Variants in CSMD3 observed in about 807,000 individuals in gnomAD.
CSMD3 encodes CUB and sushi domain-containing protein 3.
In CSMD3, 177 loss-of-function variants were observed where a neutral mutation model predicts 435.2. The ratio of observed to expected loss-of-function variants is 0.41; its 90% CI spans 0.36 to 0.46. The LOEUF (loss-of-function observed/expected upper bound fraction) is 0.46. CSMD3 is among the 20% of genes least tolerant of loss of function. The pLI, the probability that CSMD3 is intolerant of heterozygous loss-of-function variation, is 0.34. For missense variants in CSMD3, 4,265 were observed against 4,504.6 expected (o/e 0.95, Z 1.52); for synonymous variants, 1,656 against 1,520.5 (o/e 1.09, Z -2.07).
At chr8:112,728,981 A>T (rs2077022566) in intron 13 of CSMD3, among the ~76,000 whole-genome samples, 1 of 152,036 alleles carries the variant, frequency 6.6e-6, no homozygotes, top group African/African-American at 2.4e-5. Context: ...ACAAACACAC[A>T]TATATATATT....
rs1204951027 is a variant in CSMD3 at position 112,281,326 on chromosome 8, G to T, written c.9356C>A (p.Thr3119Asn). 3 of 1,613,240 alleles carry T rather than the reference G, an allele frequency of 1.9e-6. No individual in the cohort carries two copies. Among genetic ancestry groups the T allele is most frequent in the Non-Finnish European group, 2.5e-6 (3 of 1,179,444 alleles). Residue 3119 changes from threonine to asparagine, a missense_variant, in exon 59 of 71, where the codon ACC (threonine) becomes AAC (asparagine). Thr to Asn is a moderately conservative substitution (Grantham distance 65). Coordinates refer to ENST00000297405, the MANE Select transcript of CSMD3 (RefSeq NM_198123.2). ...TCGGAAGACTTTCCCATTGGCTGTG[G>T]TTCCTGGGTTACCACACTGCACAGC... Reference protein sequence around the residue: ...CKAVQCGNPGTTANGKVFRID... With the variant: ...CKAVQCGNPGNTANGKVFRID...
chr8:112,298,087 AAAAT>A (rs74275504), intron 53 of CSMD3, among the ~76,000 whole-genome samples: 14,684 of 133,964 alleles, frequency 0.11, 448 homozygotes, highest in East Asian at 0.21. Context: ...AAAAAAAAAA[AAAAT>A]AAGTAAAGAC....
chr8:112,986,669 T>TA (rs1226039745), intron 6 of CSMD3, among the ~76,000 whole-genome samples: 1 of 152,076 alleles, frequency 6.6e-6, no homozygotes, highest in Non-Finnish European at 1.5e-5. Context: ...GATTTACATA[T>TA]AAAAAAGTCA....
intron 7 of CSMD3, among the ~76,000 whole-genome samples, chr8:112,969,006 T>C (rs2084534236): frequency 6.6e-6 from 1 of 151,980 alleles, no homozygotes; most frequent in Non-Finnish European, 1.5e-5. Context: ...ACATTTAAAA[T>C]ATATTTTATG....
chr8:113,143,434 T>C (rs957587170), intron 4 of CSMD3, among the ~76,000 whole-genome samples: 2 of 151,420 alleles, frequency 1.3e-5, no homozygotes, highest in African/African-American at 4.8e-5. Context: ...AAACAGAACA[T>C]GCAACTAACA....
At chr8:113,062,950 G>A (rs932024620) in intron 5 of CSMD3, among the ~76,000 whole-genome samples, 2 of 151,388 alleles carry the variant, frequency 1.3e-5, no homozygotes, top group Non-Finnish European at 3.0e-5. Context: ...AAGGAGTTAT[G>A]CTTTATTATA....
chr8:112,380,182 T>C (rs1361060017), intron 38 of CSMD3, among the ~76,000 whole-genome samples, 170 bp downstream of exon 38: 1 of 152,218 alleles, frequency 6.6e-6, no homozygotes, highest in Non-Finnish European at 1.5e-5. Flanking sequence ...ATTAAAACTT[T>C]ATTCATGTAA....
At chr8:112,963,790 A>G in intron 7 of CSMD3, among the ~76,000 whole-genome samples, 1 of 152,104 alleles carries the variant, frequency 6.6e-6, no homozygotes, top group African/African-American at 2.4e-5. Flanking sequence ...CTTTTGTATA[A>G]CTTATACATG....
At chr8:113,269,347 A>T (rs1417913029) in intron 3 of CSMD3, among the ~76,000 whole-genome samples, 2 of 152,120 alleles carry the variant, frequency 1.3e-5, no homozygotes, top group Non-Finnish European at 2.9e-5. Flanking sequence ...ATGCTCATGG[A>T]TAGGAAGAAT....
chr8:112,304,145 T>C, intron 52 of CSMD3, among the ~76,000 whole-genome samples: 1 of 152,188 alleles, frequency 6.6e-6, no homozygotes, highest in East Asian at 1.9e-4. Context: ...TGGTTATAGC[T>C]GGTATTTCAA....
intron 5 of CSMD3, among the ~76,000 whole-genome samples, chr8:113,041,075 G>A (rs2087588313): frequency 6.6e-6 from 1 of 151,830 alleles, no homozygotes; most frequent in Admixed American, 6.6e-5. Flanking sequence ...ACGTGGTGGT[G>A]TGCACCTGTA....
chr8:112,768,749 C>A (rs79370311), intron 13 of CSMD3, among the ~76,000 whole-genome samples: 3,872 of 151,938 alleles, frequency 0.025, 80 homozygotes, highest in East Asian at 0.074. Flanking sequence ...TTCCTTTGCC[C>A]CATGTTTCCC....
chr8:112,787,462 G>T (rs1563960676), intron 13 of CSMD3, among the ~76,000 whole-genome samples: 3 of 151,984 alleles, frequency 2.0e-5, no homozygotes. Flanking sequence ...AAGAAAATCA[G>T]GTTATTTAAG....
intron 32 of CSMD3, among the ~76,000 whole-genome samples, chr8:112,445,575 C>A (rs542765468): frequency 7.4e-4 from 112 of 152,046 alleles, no homozygotes; most frequent in Non-Finnish European, 1.3e-3. Flanking sequence ...CACTTAACAC[C>A]AAGGAGATGG....
At chr8:112,766,223 T>C (rs992393353) in intron 13 of CSMD3, among the ~76,000 whole-genome samples, 2 of 151,700 alleles carry the variant, frequency 1.3e-5, no homozygotes, top group African/African-American at 4.8e-5. Flanking sequence ...CTGATTTAAA[T>C]CTAATCCATG....
At chr8:112,496,818 G>A (rs1054864352) in intron 30 of CSMD3, among the ~76,000 whole-genome samples, 5 of 151,948 alleles carry the variant, frequency 3.3e-5, no homozygotes, top group African/African-American at 1.2e-4. Context: ...GAGGTGTTGG[G>A]GGGAAAGTGG....
intron 3 of CSMD3, among the ~76,000 whole-genome samples, chr8:113,186,717 T>C (rs1452701411): frequency 6.6e-6 from 1 of 152,030 alleles, no homozygotes; most frequent in Non-Finnish European, 1.5e-5. Context: ...CTTAGCACAG[T>C]ATTTCAGGTG....
chr8:112,534,452 C>T (rs1410170090), intron 27 of CSMD3, among the ~76,000 whole-genome samples: 2 of 152,146 alleles, frequency 1.3e-5, no homozygotes, highest in African/African-American at 2.4e-5. Flanking sequence ...AATTCCTCGA[C>T]ACATACACTC....
chr8:113,030,044 T>G (rs1477810177), intron 5 of CSMD3, among the ~76,000 whole-genome samples: 1 of 151,052 alleles, frequency 6.6e-6, no homozygotes, highest in Non-Finnish European at 1.5e-5. Flanking sequence ...AAAAATAAAA[T>G]AAAATACTTA....
Sources: gnomAD v4.1 joint callset for allele counts (sites outside exome capture counted in the v4.1 genomes callset) on GRCh38, gnomAD v4.1.1 for gene constraint, MANE v1.5 for transcripts, NCBI Gene and HGNC (gene_info 2026-07-23, HGNC 2026-07-21) for gene names.